The following CHRM4 variants were observed in gnomAD, a reference collection of about 807,000 sequenced individuals.
CHRM4 encodes the protein muscarinic acetylcholine receptor M4.
Under a neutral mutation model 26.3 loss-of-function variants are expected in CHRM4, and 5 were observed. The observed-to-expected ratio is 0.19, with a 90% confidence interval of 0.10 to 0.40. The LOEUF (loss-of-function observed/expected upper bound fraction) is 0.40, where lower values mean the gene tolerates loss of function less well. Among genes scored for constraint, CHRM4 ranks in the 10% least tolerant of loss-of-function variants. The probability of loss-of-function intolerance (pLI) is 1.00; values close to 1 mark genes in which losing one functional copy is unlikely to be tolerated. For synonymous variants in CHRM4, 290 were observed against 285.3 expected, an observed-to-expected ratio of 1.02 and a Z score of -0.16; for missense variants, 402 against 664.5, an observed-to-expected ratio of 0.60 and a Z score of 4.34.
In CHRM4 at chr11:46,385,002, C is replaced by G; in HGVS notation, c.*116G>C. On this transcript the variant is annotated 3_prime_UTR_variant, in exon 2 of 2. Transcript: ENST00000682254. The surrounding 1 kb of genome is among the most constrained non-coding windows in gnomAD (Gnocchi z 6.3). ...CACAGAGCCTCTTCTGAACTTCCTC[C>G]TCAGCAAACGTGAACGCAGAATGGT... is the stretch of plus-strand genomic sequence containing the variant. The G allele has an allele frequency of 1.4e-6, 2 of 1,419,474 alleles. No homozygotes were observed. Among genetic ancestry groups the G allele is most frequent in the Admixed American group, 2.5e-5 (1 of 40,552 alleles). 87.9% of individuals were successfully genotyped at this position (1,419,474 alleles called of 1,614,324 possible). A position where few individuals can be genotyped will look rare whatever the true frequency, so the allele number is the denominator to read the frequency against.
rs1410378603 is a variant in CHRM4 at position 46,384,627 on chromosome 11, G to A, written c.*491C>T. On this transcript the variant is annotated 3_prime_UTR_variant, in exon 2 of 2. Transcript: ENST00000682254. ...GCCAGAGGAGATTTCTGCCCCTGGA[G>A]TGGGATTTGGGGAGAGGGGGCTGAG... Among the ~76,000 whole-genome samples the A allele has an allele frequency of 1.3e-5, 2 of 152,226 alleles. No homozygotes were observed. The highest frequency in any genetic ancestry group is 2.9e-5 in the Non-Finnish European group (2 of 68,044).
chr11:46,389,103 G>A (rs542503675), intron 1 of CHRM4, among the ~76,000 whole-genome samples: 26 of 152,322 alleles, frequency 1.7e-4, no homozygotes, highest in African/African-American at 5.8e-4. Context: ...GGAAGTACGG[G>A]TGGGGGCAGA....
In CHRM4 at chr11:46,385,310, G is replaced by A. The variant is rs16938502; in HGVS notation, c.1248C>T (p.Tyr416=). 6.2e-7 allele frequency: 1 copy of A among 1,614,026 alleles called. No homozygotes were observed. The highest frequency in any genetic ancestry group is 8.5e-7 in the Non-Finnish European group (1 of 1,179,944). ...LLAFILTWTP[Y]NVMVLVNTFC... ...AGGTGTTCACCAGGACCATGACGTT[G>A]TAGGGCGTCCAGGTGAGGATGAAGG... Residue 416 remains tyrosine, a synonymous_variant, in exon 2 of 2, where the codon TAC becomes TAT. Transcript: ENST00000682254. The surrounding 1 kb of genome is among the most constrained non-coding windows in gnomAD (Gnocchi z 6.3).
Position 46,385,940 on chromosome 11 carries a change from C to G in CHRM4, c.618G>C (p.Leu206=). Residue 206 remains leucine (L), a synonymous_variant, in exon 2 of 2, where the codon CTG becomes CTC. Coordinates refer to ENST00000682254, the MANE Select transcript of CHRM4 (RefSeq NM_000741.5). This position sits in a 1 kb window ranked among gnomAD's most constrained non-coding sequence, Gnocchi z 6.3. ...TFGTAIAAFY[L]PVVIMTVLYI... ...ACAGCACCGTCATGATGACCACAGG[C>G]AGGTAGAAGGCAGCAATGGCTGTGC... 1 of 1,612,508 alleles carries G rather than the reference C, an allele frequency of 6.2e-7. No individual in the cohort carries two copies. The highest frequency in any genetic ancestry group is 8.5e-7 in the Non-Finnish European group (1 of 1,179,596).
chr11:46,389,791 G>T (rs570983744), intron 1 of CHRM4, among the ~76,000 whole-genome samples: 1 of 152,366 alleles, frequency 6.6e-6, no homozygotes, highest in East Asian at 1.9e-4. Flanking sequence ...AGGGAGCCCG[G>T]ATTCCACCCG....
Position 46,385,340 on chromosome 11 carries a change from C to T in CHRM4, c.1218G>A (p.Leu406=), listed in dbSNP as rs747297956. 6.2e-7 allele frequency: 1 copy of T among 1,612,390 alleles called. No individual in the cohort carries two copies. Among genetic ancestry groups the T allele is most frequent in the Non-Finnish European group, 8.5e-7 (1 of 1,178,588 alleles). Residue 406 remains leucine, a synonymous_variant, in exon 2 of 2, where the codon CTG becomes CTA. Coordinates refer to ENST00000682254, the MANE Select transcript of CHRM4 (RefSeq NM_000741.5). This position sits in a 1 kb window ranked among gnomAD's most constrained non-coding sequence, Gnocchi z 6.3. Reference sequence around the variant, plus strand: ...GCGTCCAGGTGAGGATGAAGGCTAGCAGAATGGCAAAGATCGTTCGTGTCA... The same window carrying T: ...GCGTCCAGGTGAGGATGAAGGCTAGTAGAATGGCAAAGATCGTTCGTGTCA... ...RKVTRTIFAI[L]LAFILTWTPY... is the part of the protein sequence containing the mutation.
At position 46,385,102 on chromosome 11, in the gene CHRM4, G is replaced by T; in HGVS notation, c.*16C>A. 6.3e-7 allele frequency: 1 copy of T among 1,590,958 alleles called. No individual in the cohort carries two copies. Among genetic ancestry groups the T allele is most frequent in the Admixed American group, 1.7e-5 (1 of 57,904 alleles). ...ACGCACGCAACACCAGCACCTCCTA[G>T]GGCACTCCTGCCTGCCTACCTGGCA... is the stretch of plus-strand genomic sequence containing the variant. On this transcript the variant is annotated 3_prime_UTR_variant, in exon 2 of 2. Coordinates refer to ENST00000682254, the MANE Select transcript of CHRM4 (RefSeq NM_000741.5). The surrounding 1 kb of genome is among the most constrained non-coding windows in gnomAD (Gnocchi z 6.3).
At chr11:46,390,813 C>A (rs898635503) in intron 1 of CHRM4, among the ~76,000 whole-genome samples, 1 of 152,286 alleles carries the variant, frequency 6.6e-6, no homozygotes, top group Non-Finnish European at 1.5e-5. Context: ...ACCCCTCTTC[C>A]CCGGGCGAGA....
rs1207180617 is a variant in CHRM4 at position 46,391,085 on chromosome 11, CG to C, written c.-30+445del. ...GCTGGGCAGCAAAGGGGGGTAGTAC[CG>C]GAGCGGGGGAGGGGTGTCGGGGAGG... On this transcript the variant is annotated intron_variant, in intron 1 of 1. Transcript: ENST00000682254. The surrounding 1 kb of genome is among the most constrained non-coding windows in gnomAD (Gnocchi z 6.3). Among the ~76,000 whole-genome samples the C allele has an allele frequency of 9.7e-6, 1 of 103,374 alleles. No individual in the cohort carries two copies. Among genetic ancestry groups the C allele is most frequent in the East Asian group, 2.5e-4 (1 of 4,004 alleles). 67.8% of individuals were successfully genotyped at this position (103,374 alleles called of 152,430 possible).
In CHRM4 at chr11:46,385,835, C is replaced by G. The variant is rs375252473; in HGVS notation, c.723G>C (p.Thr241=). 6.2e-7 allele frequency: 1 copy of G among 1,602,550 alleles called. No individual in the cohort carries two copies. The highest frequency in any genetic ancestry group is 1.7e-5 in the Admixed American group (1 of 57,888). ...TTAGTGGGCTCTTGAGGAAGGCCAG[C>G]GTCTTGGCTTTCTTCTCCTTCGGGC... ...PEGPKEKKAK[T]LAFLKSPLMK... Residue 241 remains threonine (T), a synonymous_variant, in exon 2 of 2, where the codon ACG becomes ACC. Coordinates refer to ENST00000682254, the MANE Select transcript of CHRM4 (RefSeq NM_000741.5). The surrounding 1 kb of genome is among the most constrained non-coding windows in gnomAD (Gnocchi z 6.3).
chr11:46,391,684 C>T lies in CHRM4; in HGVS notation c.-183G>A, dbSNP rs868095644. Among the ~76,000 whole-genome samples the T allele has an allele frequency of 6.7e-6, 1 of 149,036 alleles. No individual in the cohort carries two copies. Among genetic ancestry groups the T allele is most frequent in the East Asian group, 2.0e-4 (1 of 5,116 alleles). ...CGGGACGGACGCGCGGCCCCGCGGG[C>T]CGGCGGGGCGGGCGGCCGGGCCGAG... is the stretch of plus-strand genomic sequence containing the variant. On this transcript the variant is annotated 5_prime_UTR_variant, in exon 1 of 2. Transcript: ENST00000682254. The surrounding 1 kb of genome is among the most constrained non-coding windows in gnomAD (Gnocchi z 6.3).
chr11:46,390,728 G>A (rs2136554698), intron 1 of CHRM4, among the ~76,000 whole-genome samples: 1 of 152,370 alleles, frequency 6.6e-6, no homozygotes, highest in Non-Finnish European at 1.5e-5. Context: ...CGGGTGCCCC[G>A]CCCTCCCTCC....
chr11:46,386,525 C>G lies in CHRM4; in HGVS notation c.33G>C (p.Ser11=), dbSNP rs202127407. Residue 11 remains serine, a synonymous_variant, in exon 2 of 2, where the codon TCG becomes TCC. Coordinates refer to ENST00000682254, the MANE Select transcript of CHRM4 (RefSeq NM_000741.5). This position sits in a 1 kb window ranked among gnomAD's most constrained non-coding sequence, Gnocchi z 5.8. ...TGACCAGGCGCACGGACTGATTGCCCGAGCTGCCATTGACAGGTGTGAAGT... is the reference window on the plus strand; with the variant it reads ...TGACCAGGCGCACGGACTGATTGCCGGAGCTGCCATTGACAGGTGTGAAGT... The part of the protein sequence containing the change: MANFTPVNGS[S]GNQSVRLVTS... The G allele has an allele frequency of 3.1e-6, 5 of 1,612,410 alleles. No homozygotes were observed. In the East Asian group the frequency reaches 6.7e-5, roughly 22 times the overall value.
Position 46,391,170 on chromosome 11 carries a change from T to G in CHRM4, c.-30+361A>C, listed in dbSNP as rs1450035972. Among the ~76,000 whole-genome samples the G allele has an allele frequency of 4.4e-5, 3 of 67,984 alleles. No individual in the cohort carries two copies. The highest frequency in any genetic ancestry group is 1.9e-4 in the Admixed American group (1 of 5,344). The allele number at this position is 67,984 out of a possible 152,430, so 44.6% of individuals were successfully genotyped here. On this transcript the variant is annotated intron_variant, in intron 1 of 1. Coordinates refer to ENST00000682254, the MANE Select transcript of CHRM4 (RefSeq NM_000741.5). This position sits in a 1 kb window ranked among gnomAD's most constrained non-coding sequence, Gnocchi z 6.3. ...AGATGGAGGACTCCAGGGGCCGGAGTGGGCTGGCAGCGCGGGGGCAAAGGG... is the reference window on the plus strand; with the variant it reads ...AGATGGAGGACTCCAGGGGCCGGAGGGGGCTGGCAGCGCGGGGGCAAAGGG...
Position 46,386,664 on chromosome 11 carries a change from G to A in CHRM4, c.-29-78C>T, listed in dbSNP as rs535908172. 6 of 1,363,444 alleles carry A rather than the reference G, an allele frequency of 4.4e-6. 1 individual carries two copies. Among genetic ancestry groups the A allele is most frequent in the Middle Eastern group, 3.7e-4 (2 of 5,360 alleles). The allele number at this position is 1,363,444 out of a possible 1,614,324, so 84.5% of individuals were successfully genotyped here. A position where few individuals can be genotyped will look rare whatever the true frequency, so the allele number is the denominator to read the frequency against. On this transcript the variant is annotated intron_variant, in intron 1 of 1. Transcript: ENST00000682254. This position sits in a 1 kb window ranked among gnomAD's most constrained non-coding sequence, Gnocchi z 5.8. ...CATCTGGAGGTACACTGGATTCAAGGTGACAGAGGGACATTCTCTGGCAGA... is the reference window on the plus strand; with the variant it reads ...CATCTGGAGGTACACTGGATTCAAGATGACAGAGGGACATTCTCTGGCAGA...
At position 46,384,359 on chromosome 11, in the gene CHRM4, C is replaced by T. The variant is rs1241077322; in HGVS notation, c.*759G>A. Among the ~76,000 whole-genome samples, 1 of 152,222 alleles carries T rather than the reference C, an allele frequency of 6.6e-6. No individual in the cohort carries two copies. The highest frequency in any genetic ancestry group is 1.5e-5 in the Non-Finnish European group (1 of 68,038). On this transcript the variant is annotated 3_prime_UTR_variant, in exon 2 of 2. Transcript: ENST00000682254. ...AGATGGGAATGCCATCCACCACAGC[C>T]TCACCCTGACTCGATGTGTGACCTG...
At position 46,385,822 on chromosome 11, in the gene CHRM4, TGAG is replaced by T. The variant is rs1590682082; in HGVS notation, c.733_735del (p.Leu245del). ...ACGCTCTGCTTCATTAGTGGGCTCTTGAGGAAGGCCAGCGTCTTGGCTTTCTTC... is the reference window on the plus strand; with the variant it reads ...ACGCTCTGCTTCATTAGTGGGCTCTTGAAGGCCAGCGTCTTGGCTTTCTTC... On this transcript the variant is annotated inframe_deletion, in exon 2 of 2. Coordinates refer to ENST00000682254, the MANE Select transcript of CHRM4 (RefSeq NM_000741.5). This position sits in a 1 kb window ranked among gnomAD's most constrained non-coding sequence, Gnocchi z 6.3. 2 of 1,600,566 alleles carry T rather than the reference TGAG, an allele frequency of 1.2e-6. No individual in the cohort carries two copies. Among genetic ancestry groups the T allele is most frequent in the Middle Eastern group, 1.7e-4 (1 of 6,042 alleles).
Position 46,386,502 on chromosome 11 carries a change from A to G in CHRM4, c.56T>C (p.Val19Ala). The change falls in exon 2 of 2, where the codon GTC becomes GCC. Residue 19 changes from valine to alanine, a missense_variant. Physicochemically the swap from Val to Ala is moderately conservative, Grantham distance 64. Transcript: ENST00000682254. This position sits in a 1 kb window ranked among gnomAD's most constrained non-coding sequence, Gnocchi z 5.8. ...GSSGNQSVRL[V>A]TSSSHNRYET... The stretch of plus-strand genomic sequence containing the variant: ...ATAGCGATTGTGGGATGATGACGTG[A>G]CCAGGCGCACGGACTGATTGCCCGA... 6.2e-7 allele frequency: 1 copy of G among 1,613,560 alleles called. No individual in the cohort carries two copies. Among genetic ancestry groups the G allele is most frequent in the Non-Finnish European group, 8.5e-7 (1 of 1,179,868 alleles).
chr11:46,385,110 C>A lies in CHRM4; in HGVS notation c.*8G>T, dbSNP rs1192429515. The A allele has an allele frequency of 6.3e-6, 10 of 1,599,028 alleles. No homozygotes were observed. Among genetic ancestry groups the A allele is most frequent in the African/African-American group, 1.3e-5 (1 of 74,838 alleles). The stretch of plus-strand genomic sequence containing the variant: ...AACACCAGCACCTCCTAGGGCACTC[C>A]TGCCTGCCTACCTGGCAGTGCCGAT... On this transcript the variant is annotated 3_prime_UTR_variant, in exon 2 of 2. Transcript: ENST00000682254. This position sits in a 1 kb window ranked among gnomAD's most constrained non-coding sequence, Gnocchi z 6.3.
Sources: allele counts gnomAD v4.1 joint callset (sites outside exome capture counted in the v4.1 genomes callset), GRCh38; gene constraint gnomAD v4.1.1; non-coding constraint Gnocchi (gnomAD v3.1); transcripts MANE v1.5; gene names NCBI Gene and HGNC (gene_info 2026-07-23, HGNC 2026-07-21).